HPCAL1: variants seen among roughly 807,000 people sequenced by gnomAD.
HPCAL1 encodes hippocalcin-like protein 1.
In HPCAL1, 8 loss-of-function variants were observed where a neutral mutation model predicts 17.1. The observed-to-expected ratio is 0.47, with a 90% confidence interval of 0.27 to 0.84. The LOEUF is 0.84. Among genes scored for constraint, HPCAL1 ranks in the 40% least tolerant of loss-of-function variants. The pLI is 0.13. For synonymous variants in HPCAL1, 112 were observed against 111.4 expected, an observed-to-expected ratio of 1.01 and a Z score of -0.03; for missense variants, 165 against 271.1, an observed-to-expected ratio of 0.61 and a Z score of 2.75.
At chr2:10,382,034 G>A (rs2125539919) in intron 1 of HPCAL1, among the ~76,000 whole-genome samples, 1 of 152,362 alleles carries the variant, frequency 6.6e-6, no homozygotes, top group East Asian at 1.9e-4. Flanking sequence ...CAGCGAAGGT[G>A]TCCTTCAGCA....
At chr2:10,353,728 C>A (rs908812515) in intron 1 of HPCAL1, among the ~76,000 whole-genome samples, 3 of 152,168 alleles carry the variant, frequency 2.0e-5, no homozygotes, top group African/African-American at 4.8e-5. Flanking sequence ...GCCGCTATGC[C>A]CGGCTAATTT....
chr2:10,332,306 T>C (rs1237959906), intron 1 of HPCAL1, among the ~76,000 whole-genome samples: 4 of 152,218 alleles, frequency 2.6e-5, no homozygotes, highest in African/African-American at 9.7e-5. Flanking sequence ...CCATTTAAGC[T>C]TCATTTGAGT....
chr2:10,377,844 G>A lies in HPCAL1; in HGVS notation c.-110-18991G>A, dbSNP rs564072251. Among the ~76,000 whole-genome samples, 3 of 152,314 alleles carry A rather than the reference G, an allele frequency of 2.0e-5. No homozygotes were observed. The highest frequency in any genetic ancestry group is 4.1e-4 in the South Asian group (2 of 4,824). ...TGAGCCACCGAGGGGGGCCAGGCAC[G>A]GGGGAGGGTATTCAAGGGCGGCAAG... On this transcript the variant is annotated intron_variant, in intron 1 of 4. Transcript: ENST00000307845. The surrounding 1 kb of genome is among the most constrained non-coding windows in gnomAD (Gnocchi z 5.9).
Position 10,399,528 on chromosome 2 carries a change from A to G in HPCAL1, c.-25+2608A>G, listed in dbSNP as rs1412347469. 3.0e-3 allele frequency among the ~76,000 whole-genome samples: 342 copies of G among 112,354 alleles called. 7 individuals carry two copies. The highest frequency in any genetic ancestry group is 0.015 in the African/African-American group (332 of 22,542). The allele number at this position is 112,354 out of a possible 152,430, so 73.7% of individuals were successfully genotyped here. On this transcript the variant is annotated intron_variant, in intron 2 of 4. Coordinates refer to ENST00000307845, the MANE Select transcript of HPCAL1 (RefSeq NM_002149.4). ...CACCACCACCGCCGCCACCACCGCCACTGCCACCGCCACCATCACCGCCAC... is the reference window on the plus strand; with the variant it reads ...CACCACCACCGCCGCCACCACCGCCGCTGCCACCGCCACCATCACCGCCAC...
At chr2:10,313,001 G>A (rs1473892738) in intron 1 of HPCAL1, among the ~76,000 whole-genome samples, 1 of 152,156 alleles carries the variant, frequency 6.6e-6, no homozygotes, top group Non-Finnish European at 1.5e-5. Context: ...GCACATTCCT[G>A]GTGAGTTAGC....
At chr2:10,399,557 TACCGCCACCGCC>T (rs1391668636) in intron 2 of HPCAL1, among the ~76,000 whole-genome samples, 3 of 84,178 alleles carry the variant, frequency 3.6e-5, no homozygotes, top group South Asian at 8.3e-4. Flanking sequence ...CCGCCACCAC[TACCGCCACCGCC>T]ACCACCACCG....
At position 10,330,140 on chromosome 2, in the gene HPCAL1, G is replaced by A. The variant is rs1002016931; in HGVS notation, c.-111+26963G>A. The A allele has an allele frequency of 1.3e-5, 2 of 150,810 alleles. No individual in the cohort carries two copies. Among genetic ancestry groups the A allele is most frequent in the East Asian group, 3.9e-4 (2 of 5,120 alleles). 9.3% of individuals were successfully genotyped at this position (150,810 alleles called of 1,614,324 possible). A position where few individuals can be genotyped will look rare whatever the true frequency, so the allele number is the denominator to read the frequency against. On this transcript the variant is annotated intron_variant, in intron 1 of 4. Coordinates refer to ENST00000307845, the MANE Select transcript of HPCAL1 (RefSeq NM_002149.4). The surrounding 1 kb of genome is among the most constrained non-coding windows in gnomAD (Gnocchi z 4.2). ...ACAATTTATGTGGCAAGCTAGAGAT[G>A]CTTTCTTTTTCAGAGCGGCCTTTAT...
Position 10,414,181 on chromosome 2 carries a change from C to T in HPCAL1, c.-24-5553C>T, listed in dbSNP as rs149161956. On this transcript the variant is annotated intron_variant, in intron 2 of 4. Coordinates refer to ENST00000307845, the MANE Select transcript of HPCAL1 (RefSeq NM_002149.4). ...GCCATGGTTGCTGCTTCTGGCTGTCCCTGCTGAGAGCAGGTGTAACGTACC... is the reference window on the plus strand; with the variant it reads ...GCCATGGTTGCTGCTTCTGGCTGTCTCTGCTGAGAGCAGGTGTAACGTACC... Among the ~76,000 whole-genome samples the T allele has an allele frequency of 2.1e-3, 320 of 152,350 alleles. 2 individuals carry two copies. Among genetic ancestry groups the T allele is most frequent in the Middle Eastern group, 6.8e-3 (2 of 294 alleles).
chr2:10,363,968 C>T lies in HPCAL1; in HGVS notation c.-110-32867C>T, dbSNP rs1175373634. On this transcript the variant is annotated intron_variant, in intron 1 of 4. Transcript: ENST00000307845. The surrounding 1 kb of genome is among the most constrained non-coding windows in gnomAD (Gnocchi z 4.7). ...GGCCTGATGATTCGGGGCGCTTGGCCGGGTGGTGGGGTGGGACACCCCAGA... is the reference window on the plus strand; with the variant it reads ...GGCCTGATGATTCGGGGCGCTTGGCTGGGTGGTGGGGTGGGACACCCCAGA... Among the ~76,000 whole-genome samples, 5 of 152,176 alleles carry T rather than the reference C, an allele frequency of 3.3e-5. No individual in the cohort carries two copies. Among genetic ancestry groups the T allele is most frequent in the South Asian group, 2.1e-4 (1 of 4,828 alleles).
intron 1 of HPCAL1, among the ~76,000 whole-genome samples, chr2:10,355,446 G>A (rs1257527325): frequency 1.7e-4 from 11 of 65,714 alleles, no homozygotes; most frequent in Admixed American, 5.2e-4. Flanking sequence ...GCGAGACTCC[G>A]TCTCAAAAAA....
rs1035329953 is a variant in HPCAL1 at position 10,331,949 on chromosome 2, T to C, written c.-111+28772T>C. Reference sequence around the variant, plus strand: ...TCATTTATGAGCCCCGTGTCACCTGTTGTTGCTTCACAGGGAGCACTCCTT... The same window carrying C: ...TCATTTATGAGCCCCGTGTCACCTGCTGTTGCTTCACAGGGAGCACTCCTT... On this transcript the variant is annotated intron_variant, in intron 1 of 4. Coordinates refer to ENST00000307845, the MANE Select transcript of HPCAL1 (RefSeq NM_002149.4). This position sits in a 1 kb window ranked among gnomAD's most constrained non-coding sequence, Gnocchi z 5.0. Among the ~76,000 whole-genome samples, 1 of 151,348 alleles carries C rather than the reference T, an allele frequency of 6.6e-6. No individual in the cohort carries two copies. The highest frequency in any genetic ancestry group is 6.6e-5 in the Admixed American group (1 of 15,226).
intron 2 of HPCAL1, among the ~76,000 whole-genome samples, chr2:10,409,683 G>A (rs1307861791): frequency 2.7e-5 from 4 of 147,396 alleles, no homozygotes; most frequent in Non-Finnish European, 6.0e-5. Flanking sequence ...ACCCCAGGAA[G>A]AACAAGCTCT....
At chr2:10,409,278 C>T (rs1203578443) in intron 2 of HPCAL1, among the ~76,000 whole-genome samples, 2 of 152,148 alleles carry the variant, frequency 1.3e-5, no homozygotes, top group African/African-American at 4.8e-5. Flanking sequence ...AGCTCAGGCC[C>T]TGGGAGCCTG....
chr2:10,417,375 A>G (rs1298148874), intron 2 of HPCAL1, among the ~76,000 whole-genome samples: 1 of 148,594 alleles, frequency 6.7e-6, no homozygotes, highest in Non-Finnish European at 1.5e-5. Context: ...AAAAAAAACA[A>G]AAAAAAAAGT....
intron 2 of HPCAL1, among the ~76,000 whole-genome samples, chr2:10,405,620 G>T (rs1669920191): frequency 6.6e-6 from 1 of 152,200 alleles, no homozygotes; most frequent in African/African-American, 2.4e-5. Context: ...TTCCCCCCAG[G>T]CATGGGTCAG....
intron 1 of HPCAL1, among the ~76,000 whole-genome samples, chr2:10,314,921 A>G (rs553305308): frequency 6.6e-6 from 1 of 152,332 alleles, no homozygotes; most frequent in Admixed American, 6.5e-5. Context: ...GATAGTAGGT[A>G]GTAGATGTAG....
At chr2:10,421,806 G>A (rs1242690301) in intron 3 of HPCAL1, among the ~76,000 whole-genome samples, 5 of 152,162 alleles carry the variant, frequency 3.3e-5, no homozygotes, top group Non-Finnish European at 5.9e-5. Flanking sequence ...TATCAAATCC[G>A]TGAACTTCTG....
chr2:10,346,576 A>C (rs2125453594), intron 1 of HPCAL1, among the ~76,000 whole-genome samples: 1 of 152,320 alleles, frequency 6.6e-6, no homozygotes, highest in Middle Eastern at 3.4e-3. Flanking sequence ...TAAATGGTCC[A>C]TTAAAAGCAC....
chr2:10,317,239 G>A (rs904934868), intron 1 of HPCAL1, among the ~76,000 whole-genome samples: 5 of 152,006 alleles, frequency 3.3e-5, no homozygotes, highest in African/African-American at 1.2e-4. Context: ...TTTTGTCCTC[G>A]GTTTTGTTTT....
Sources: allele counts gnomAD v4.1 joint callset (sites outside exome capture counted in the v4.1 genomes callset), GRCh38; gene constraint gnomAD v4.1.1; non-coding constraint Gnocchi (gnomAD v3.1); transcripts MANE v1.5; gene names NCBI Gene and HGNC (gene_info 2026-07-23, HGNC 2026-07-21).